The following APPL2 variants were observed in gnomAD, a reference collection of about 807,000 sequenced individuals.
APPL2 encodes the protein adaptor protein, phosphotyrosine interacting with PH domain and leucine zipper 2.
In APPL2, 84 loss-of-function variants were observed where a neutral mutation model predicts 92.7. That is an observed-to-expected ratio of 0.91 (90% CI 0.76 to 1.09). APPL2 has a LOEUF of 1.09. Ranked by LOEUF, APPL2 falls within the 50% of genes least tolerant of loss-of-function variation. The pLI is 0.00. For missense variants in APPL2, 736 were observed against 824.5 expected (o/e 0.89, Z 1.31); for synonymous variants, 291 against 291.0 (o/e 1.00, Z 0.00).
Position 105,217,721 on chromosome 12 carries a change from T to G in APPL2, c.158A>C (p.Glu53Ala). ...AAGCTGTTGTGTGGCCAGGCACATC[T>G]CATTCTGTGGAGAGAAGAGAAAAAG... Reference protein sequence around the residue: ...AMQRVYGAQNEMCLATQQLSK... With the variant: ...AMQRVYGAQNAMCLATQQLSK... Residue 53 changes from glutamate (E) to alanine (A), a missense_variant, in exon 3 of 21, where the codon GAG (glutamate) becomes GCG (alanine). Glu to Ala is a moderately radical substitution (Grantham distance 107). Coordinates refer to ENST00000258530, the MANE Select transcript of APPL2 (RefSeq NM_018171.5). The G allele has an allele frequency of 1.2e-6, 2 of 1,613,778 alleles. No homozygotes were observed. The highest frequency in any genetic ancestry group is 4.5e-5 in the East Asian group (2 of 44,888).
chr12:105,218,411 C>T (rs1443621418), intron 2 of APPL2, among the ~76,000 whole-genome samples: 1 of 151,606 alleles, frequency 6.6e-6, no homozygotes, highest in African/African-American at 2.4e-5. Flanking sequence ...AAGCACGCAT[C>T]AAAAAAATAG....
intron 2 of APPL2, among the ~76,000 whole-genome samples, chr12:105,228,335 A>G (rs1004700467): frequency 6.6e-6 from 1 of 152,216 alleles, no homozygotes; most frequent in African/African-American, 2.4e-5. Flanking sequence ...GTGTCGTGTC[A>G]GCACTCAAAA....
chr12:105,232,199 C>T (rs895467649), intron 1 of APPL2, among the ~76,000 whole-genome samples: 2 of 152,120 alleles, frequency 1.3e-5, no homozygotes, highest in Non-Finnish European at 2.9e-5. Context: ...AGTAACTTGC[C>T]AAAAGTAACA....
chr12:105,216,868 A>C (rs2136045452), intron 4 of APPL2, among the ~76,000 whole-genome samples: 1 of 152,352 alleles, frequency 6.6e-6, no homozygotes, highest in Non-Finnish European at 1.5e-5. Context: ...ATATATATCG[A>C]AGCCATTCCC....
At chr12:105,216,428 G>C (rs989315771) in intron 4 of APPL2, among the ~76,000 whole-genome samples, 20 of 152,018 alleles carry the variant, frequency 1.3e-4, no homozygotes. Flanking sequence ...TAAAAGATAT[G>C]ACCACCCAGA....
chr12:105,195,317 C>G lies in APPL2; in HGVS notation c.1185G>C (p.Leu395=). 1 of 1,614,174 alleles carries G rather than the reference C, an allele frequency of 6.2e-7. No individual in the cohort carries two copies. Among genetic ancestry groups the G allele is most frequent in the Non-Finnish European group, 8.5e-7 (1 of 1,180,040 alleles). ...AACTTGTAATGGGAGTCACTGCTTG[C>G]AGAGCGGTCTGATTCAACTTGATCG... is the stretch of plus-strand genomic sequence containing the variant. The part of the protein sequence containing the change: ...AVAIKLNQTA[L]QAVTPITSFG... Residue 395 remains leucine, a synonymous_variant, in exon 14 of 21, where the codon CTG becomes CTC. Coordinates refer to ENST00000258530, the MANE Select transcript of APPL2 (RefSeq NM_018171.5).
In APPL2 at chr12:105,183,271, T is replaced by C. The variant is rs560272044; in HGVS notation, c.1634+5002A>G. Among the ~76,000 whole-genome samples the C allele has an allele frequency of 1.4e-4, 22 of 152,272 alleles. No homozygotes were observed. The South Asian group carries it at 4.6e-3, about 32-fold the overall frequency. On this transcript the variant is annotated intron_variant, in intron 17 of 20. Coordinates refer to ENST00000258530, the MANE Select transcript of APPL2 (RefSeq NM_018171.5). ...GCCTGTTTACATTTAAGGTTAATAT[T>C]GTTATGTGTGAATGTGATCCTGTCA...
At chr12:105,208,292 G>A in intron 5 of APPL2, 93 bp from the exon 6 acceptor site, 2 of 1,481,642 alleles carry the variant, frequency 1.3e-6, no homozygotes, top group Non-Finnish European at 9.4e-7. Context: ...AAGAGAATAT[G>A]CGTGCAAGGG....
At chr12:105,183,309 C>T (rs899466110) in intron 17 of APPL2, among the ~76,000 whole-genome samples, 5 of 152,048 alleles carry the variant, frequency 3.3e-5, no homozygotes, top group African/African-American at 1.2e-4. Flanking sequence ...ATGATGGTAG[C>T]TGGTTATTTT....
chr12:105,223,271 C>G (rs1241547271), intron 2 of APPL2, among the ~76,000 whole-genome samples: 1 of 152,192 alleles, frequency 6.6e-6, no homozygotes, highest in Non-Finnish European at 1.5e-5. Context: ...TAACAACAGG[C>G]AAACGTTGTT....
At chr12:105,193,026 AT>A (rs1318142361) in intron 14 of APPL2, among the ~76,000 whole-genome samples, 1 of 152,180 alleles carries the variant, frequency 6.6e-6, no homozygotes, top group Non-Finnish European at 1.5e-5. Context: ...AAGAGATAGT[AT>A]CCCTCTCCCC....
At chr12:105,226,470 C>T (rs577035831) in intron 2 of APPL2, among the ~76,000 whole-genome samples, 1 of 152,340 alleles carries the variant, frequency 6.6e-6, no homozygotes, top group Admixed American at 6.5e-5. Context: ...GAAGGAAAGA[C>T]CCACTTAATT....
intron 14 of APPL2, among the ~76,000 whole-genome samples, chr12:105,190,943 C>T (rs1887141764): frequency 6.6e-6 from 1 of 152,230 alleles, no homozygotes; most frequent in Non-Finnish European, 1.5e-5. Context: ...AAAATCTTTT[C>T]TCCTCAGCCA....
At chr12:105,177,087 GAA>G in intron 18 of APPL2, 71 bp from the exon 19 acceptor site, 1 of 1,606,854 alleles carries the variant, frequency 6.2e-7, no homozygotes, top group East Asian at 2.2e-5. Flanking sequence ...CTACTCTCTG[GAA>G]AAGTCATGAG....
chr12:105,216,584 G>A (rs948341542), intron 4 of APPL2, among the ~76,000 whole-genome samples: 2 of 152,172 alleles, frequency 1.3e-5, no homozygotes, highest in African/African-American at 4.8e-5. Context: ...GGGGTAGAGG[G>A]GATGTAAAGC....
chr12:105,177,204 T>C, intron 18 of APPL2, 22 bp downstream of exon 18: 1 of 1,613,352 alleles, frequency 6.2e-7, no homozygotes. Context: ...ATCACTAACA[T>C]GAACCTGTAT....
intron 9 of APPL2, 140 bp downstream of exon 9, chr12:105,203,563 A>G (rs1445406856): frequency 2.8e-6 from 2 of 703,710 alleles, no homozygotes; most frequent in Non-Finnish European, 5.0e-6. Flanking sequence ...AGGCAAGGGC[A>G]CTGTTAGCGA....
intron 4 of APPL2, among the ~76,000 whole-genome samples, chr12:105,216,182 G>A (rs888090106): frequency 2.6e-5 from 4 of 152,008 alleles, no homozygotes; most frequent in African/African-American, 9.7e-5. Flanking sequence ...TATTCCAAAT[G>A]TACTGTAAAA....
intron 15 of APPL2, 45 bp downstream of exon 15, chr12:105,189,946 A>G: frequency 6.2e-7 from 1 of 1,612,058 alleles, no homozygotes; most frequent in Non-Finnish European, 8.5e-7. Context: ...AGATACCTCA[A>G]ATTTACTTTC....
Sources: gnomAD v4.1 joint callset for allele counts (sites outside exome capture counted in the v4.1 genomes callset) on GRCh38, gnomAD v4.1.1 for gene constraint, MANE v1.5 for transcripts, NCBI Gene and HGNC (gene_info 2026-07-23, HGNC 2026-07-21) for gene names.